The following SLITRK5 variants were observed in gnomAD, a reference collection of about 807,000 sequenced individuals.
SLITRK5 encodes SLIT and NTRK-like protein 5.
A neutral mutation model predicts 56.2 loss-of-function variants in SLITRK5; 23 were observed. The ratio of observed to expected loss-of-function variants is 0.41; its 90% confidence interval spans 0.29 to 0.58. The LOEUF is 0.58. Among genes scored for constraint, SLITRK5 ranks in the 20% least tolerant of loss-of-function variants. SLITRK5 has a pLI of 0.30. For missense variants in SLITRK5, 1,289 were observed against 1,226.6 expected, an observed-to-expected ratio of 1.05 and a Z score of -0.76; for synonymous variants, 637 against 531.8, an observed-to-expected ratio of 1.20 and a Z score of -2.72.
At chr13:87,675,168 T>C (rs899266947) in intron 1 of SLITRK5, among the ~76,000 whole-genome samples, 1 of 152,178 alleles carries the variant, frequency 6.6e-6, no homozygotes, top group Admixed American at 6.5e-5. Context: ...GGTGTGCTCA[T>C]TTAAAAAAAT....
chr13:87,676,591 C>A lies in SLITRK5; in HGVS notation c.1203C>A (p.Ile401=), dbSNP rs543074813. 1.2e-6 allele frequency: 2 copies of A among 1,613,966 alleles called. No homozygotes were observed. The highest frequency in any genetic ancestry group is 1.7e-6 in the Non-Finnish European group (2 of 1,180,036). ...VNCQERKIES[I]AELQPKPYNP... ...GCCAGGAGCGAAAGATCGAGAGCAT[C>A]GCTGAACTGCAGCCCAAGCCCTACA... Residue 401 remains isoleucine, a synonymous_variant, in exon 2 of 2, where the codon ATC becomes ATA. Coordinates refer to ENST00000683689, the MANE Select transcript of SLITRK5 (RefSeq NM_001384609.1).
chr13:87,677,529 A>C lies in SLITRK5; in HGVS notation c.2141A>C (p.Tyr714Ser). ...NSDVSSFNMQYSVYGGGGGTG... is the reference protein window; with the variant it reads ...NSDVSSFNMQSSVYGGGGGTG... ...GACGTGAGCTCCTTTAACATGCAGT[A>C]CAGCGTGTACGGCGGCGGCGGCGGC... Residue 714 changes from tyrosine (Y) to serine (S), a missense_variant, in exon 2 of 2, where the codon TAC becomes TCC. By Grantham distance (144) the Tyr-to-Ser change is moderately radical. Around this residue, in one of 3 missense-constraint regions of SLITRK5, gnomAD observed 985 missense variants for 906.0 expected, o/e 1.09. Coordinates refer to ENST00000683689, the MANE Select transcript of SLITRK5 (RefSeq NM_001384609.1). The surrounding 1 kb of genome is among the most constrained non-coding windows in gnomAD (Gnocchi z 4.7). The C allele has an allele frequency of 6.2e-7, 1 of 1,609,602 alleles. No homozygotes were observed. The highest frequency in any genetic ancestry group is 8.5e-7 in the Non-Finnish European group (1 of 1,177,518).
rs1434798381 is a variant in SLITRK5, at chr13:87,679,321, T to A, written c.*1056T>A. 6.0e-6 allele frequency: 1 copy of A among 167,088 alleles called. No individual in the cohort carries two copies. Among genetic ancestry groups the A allele is most frequent in the Non-Finnish European group, 1.5e-5 (1 of 68,122 alleles). The allele number at this position is 167,088 out of a possible 1,614,324, so 10.4% of individuals were successfully genotyped here. On this transcript the variant is annotated 3_prime_UTR_variant, in exon 2 of 2. Transcript: ENST00000683689. ...ATTAGAAAATATTTGAAAGTATTTT[T>A]ATTAATGAACCAAAATGACATGTTC...
Position 87,678,414 on chromosome 13 carries a change from A to G in SLITRK5, c.*149A>G. 1 of 730,142 alleles carries G rather than the reference A, an allele frequency of 1.4e-6. No individual in the cohort carries two copies. The allele number at this position is 730,142 out of a possible 1,614,324, so 45.2% of individuals were successfully genotyped here. A position where few individuals can be genotyped will look rare whatever the true frequency, so the allele number is the denominator to read the frequency against. On this transcript the variant is annotated 3_prime_UTR_variant, in exon 2 of 2. Coordinates refer to ENST00000683689, the MANE Select transcript of SLITRK5 (RefSeq NM_001384609.1). ...TTCTCAGCTTCGGTGGAAGATACGA[A>G]AAGGGTGTGCAATTTCCTTTAAAAT...
In SLITRK5 at chr13:87,676,725, C is replaced by T. The variant is rs780797680; in HGVS notation, c.1337C>T (p.Ser446Leu). Residue 446 changes from serine to leucine, a missense_variant, in exon 2 of 2, where the codon TCG becomes TTG. Transcript: ENST00000683689. ...CTGCACCTGGGGAATAACCGCATCT[C>T]GATGATCCAGGACCGCGCTTTCGGG... ...DLLHLGNNRI[S>L]MIQDRAFGDL... 2 of 1,614,062 alleles carry T rather than the reference C, an allele frequency of 1.2e-6. No individual in the cohort carries two copies. The highest frequency in any genetic ancestry group is 1.7e-6 in the Non-Finnish European group (2 of 1,180,026).
chr13:87,677,460 G>A lies in SLITRK5; in HGVS notation c.2072G>A (p.Arg691His), dbSNP rs775939791. The A allele has an allele frequency of 5.0e-6, 8 of 1,612,420 alleles. No homozygotes were observed. In the Admixed American group the frequency reaches 6.7e-5, roughly 13 times the overall value. ...GGGCTCTTCGTGCTGGTCATGAAGCGCAGGAAGAAGAACCAGAGCGACCAC... is the reference window on the plus strand; with the variant it reads ...GGGCTCTTCGTGCTGGTCATGAAGCACAGGAAGAAGAACCAGAGCGACCAC... ...AAGLFVLVMK[R>H]RKKNQSDHTS... is the part of the protein sequence containing the mutation. The change falls in exon 2 of 2, where the codon CGC becomes CAC. Residue 691 changes from arginine to histidine, a missense_variant. Around this residue, in one of 3 missense-constraint regions of SLITRK5, gnomAD observed 985 missense variants for 906.0 expected, o/e 1.09. Transcript: ENST00000683689. This position sits in a 1 kb window ranked among gnomAD's most constrained non-coding sequence, Gnocchi z 4.7.
Position 87,672,069 on chromosome 13 carries a change from G to A in SLITRK5, c.-149G>A, listed in dbSNP as rs546517978. On this transcript the variant is annotated 5_prime_UTR_variant, in exon 1 of 2. Coordinates refer to ENST00000683689, the MANE Select transcript of SLITRK5 (RefSeq NM_001384609.1). The stretch of plus-strand genomic sequence containing the variant: ...GACCAGGGGGGAATGTGGTGAAGAC[G>A]GCGAGGAGGAGAGCCGAGGGGGGAG... Among the ~76,000 whole-genome samples the A allele has an allele frequency of 2.6e-5, 4 of 152,126 alleles. No homozygotes were observed. Among genetic ancestry groups the A allele is most frequent in the East Asian group, 2.0e-4 (1 of 5,126 alleles).
chr13:87,672,944 CT>C, intron 1 of SLITRK5: 1 of 161,714 alleles, frequency 6.2e-6, no homozygotes, highest in Non-Finnish European at 1.3e-5. Flanking sequence ...CCTCTCCTCC[CT>C]CCCCTTCTTC....
chr13:87,675,884 A>T lies in SLITRK5; in HGVS notation c.496A>T (p.Ser166Cys), dbSNP rs778417946. Residue 166 changes from serine (S) to cysteine (C), a missense_variant, in exon 2 of 2, where the codon AGC (serine) becomes TGC (cysteine). Physicochemically the swap from Ser to Cys is moderately radical, Grantham distance 112. This residue lies in a region of SLITRK5 where 291 missense variants were observed against 286.7 expected (regional missense o/e 1.02). Transcript: ENST00000683689. ...EYLQVDYNYI[S>C]VIEPNAFGKL... ...CCTACAGGTCGATTACAACTACATC[A>T]GCGTCATTGAACCCAATGCTTTTGG... The T allele has an allele frequency of 6.2e-7, 1 of 1,614,162 alleles. No individual in the cohort carries two copies. Among genetic ancestry groups the T allele is most frequent in the Non-Finnish European group, 8.5e-7 (1 of 1,180,036 alleles).
chr13:87,672,385 G>T (rs1877070707), intron 1 of SLITRK5, among the ~76,000 whole-genome samples, 176 bp downstream of exon 1: 4 of 151,836 alleles, frequency 2.6e-5, no homozygotes, highest in Admixed American at 6.5e-5. Context: ...TCTTCTCCGC[G>T]TCCCCCTCCT....
In SLITRK5 at chr13:87,675,627, G is replaced by T; in HGVS notation, c.239G>T (p.Arg80Leu). Residue 80 changes from arginine to leucine, a missense_variant, in exon 2 of 2, where the codon CGT becomes CTT. This residue lies in a region of SLITRK5 where 291 missense variants were observed against 286.7 expected (regional missense o/e 1.02). Transcript: ENST00000683689. ...IISLSEISPP[R>L]FPIYHLLLSG... ...AGTCTCTCTGAAATTAGCCCTCCCC[G>T]TTTCCCAATCTACCACCTCTTGTTG... is the stretch of plus-strand genomic sequence containing the variant. The T allele has an allele frequency of 1.2e-6, 2 of 1,614,082 alleles. No homozygotes were observed. Among genetic ancestry groups the T allele is most frequent in the South Asian group, 1.1e-5 (1 of 91,082 alleles).
In SLITRK5 at chr13:87,675,458, C is replaced by G; in HGVS notation, c.70C>G (p.Gln24Glu). 6.2e-7 allele frequency: 1 copy of G among 1,614,172 alleles called. No homozygotes were observed. The highest frequency in any genetic ancestry group is 8.5e-7 in the Non-Finnish European group (1 of 1,180,020). The stretch of plus-strand genomic sequence containing the variant: ...CAGAAAAATGCATAGCTGGATGCTG[C>G]AGACTCTAGCGTTTGCTGTAACATC... ...LHRKMHSWMLQTLAFAVTSLV... is the reference protein window; with the variant it reads ...LHRKMHSWMLETLAFAVTSLV... Residue 24 changes from glutamine (Q) to glutamate (E), a missense_variant, in exon 2 of 2, where the codon CAG becomes GAG. Physicochemically the swap from Gln to Glu is conservative, Grantham distance 29. This residue lies in a region of SLITRK5 where 291 missense variants were observed against 286.7 expected (regional missense o/e 1.02). Coordinates refer to ENST00000683689, the MANE Select transcript of SLITRK5 (RefSeq NM_001384609.1).
chr13:87,675,655 C>T lies in SLITRK5; in HGVS notation c.267C>T (p.Ser89=), dbSNP rs866618278. 8 of 1,613,978 alleles carry T rather than the reference C, an allele frequency of 5.0e-6. No homozygotes were observed. The African/African-American group carries it at 5.3e-5, about 11-fold the overall frequency. ...PRFPIYHLLL[S]GNLLNRLYPN... ...TCCCAATCTACCACCTCTTGTTGTC[C>T]GGAAACCTTTTGAACCGTCTCTATC... Residue 89 remains serine (S), a synonymous_variant, in exon 2 of 2, where the codon TCC becomes TCT. Transcript: ENST00000683689.
intron 1 of SLITRK5, among the ~76,000 whole-genome samples, chr13:87,674,745 C>G (rs1021558467): frequency 2.6e-5 from 4 of 152,060 alleles, no homozygotes; most frequent in Non-Finnish European, 5.9e-5. Flanking sequence ...CTCAAAGCTC[C>G]GGGAGACAAT....
chr13:87,676,770 G>T lies in SLITRK5; in HGVS notation c.1382G>T (p.Arg461Leu). ...TTCGGGGATCTCACCAACCTGAGGC[G>T]CCTCTACCTGAATGGCAACAGGATC... ...RAFGDLTNLRRLYLNGNRIER... is the reference protein window; with the variant it reads ...RAFGDLTNLRLLYLNGNRIER... Residue 461 changes from arginine to leucine, a missense_variant, in exon 2 of 2, where the codon CGC (arginine) becomes CTC (leucine). Physicochemically the swap from Arg to Leu is moderately radical, Grantham distance 102. Coordinates refer to ENST00000683689, the MANE Select transcript of SLITRK5 (RefSeq NM_001384609.1). The T allele has an allele frequency of 6.2e-7, 1 of 1,614,060 alleles. No homozygotes were observed. The highest frequency in any genetic ancestry group is 8.5e-7 in the Non-Finnish European group (1 of 1,180,024).
chr13:87,673,553 A>T (rs1464690731), intron 1 of SLITRK5: 18 of 1,280,426 alleles, frequency 1.4e-5, no homozygotes, highest in Non-Finnish European at 1.7e-5. Context: ...GATTTGATCC[A>T]GCGGAGAACT....
rs760896125 is a variant in SLITRK5, at chr13:87,678,299, A to C, written c.*34A>C. On this transcript the variant is annotated 3_prime_UTR_variant, in exon 2 of 2. Transcript: ENST00000683689. Reference sequence around the variant, plus strand: ...AAACTCTCTTGGAGCTTTTGCATTTAAAACAAACAAGCAAGCAGACACACA... The same window carrying C: ...AAACTCTCTTGGAGCTTTTGCATTTCAAACAAACAAGCAAGCAGACACACA... 7 of 1,547,440 alleles carry C rather than the reference A, an allele frequency of 4.5e-6. No individual in the cohort carries two copies. In the East Asian group the frequency reaches 1.6e-4, roughly 35 times the overall value.
intron 1 of SLITRK5, among the ~76,000 whole-genome samples, chr13:87,673,025 T>C (rs1877111199): frequency 6.6e-6 from 1 of 151,178 alleles, no homozygotes; most frequent in Admixed American, 6.6e-5. Flanking sequence ...GAACTCCGGG[T>C]GCTTCTGCCT....
chr13:87,676,789 C>T lies in SLITRK5; in HGVS notation c.1401C>T (p.Asn467=), dbSNP rs752830518. The T allele has an allele frequency of 2.2e-5, 35 of 1,614,008 alleles. No homozygotes were observed. The highest frequency in any genetic ancestry group is 6.7e-5 in the Admixed American group (4 of 60,000). Residue 467 remains asparagine (N), a synonymous_variant, in exon 2 of 2, where the codon AAC becomes AAT. Coordinates refer to ENST00000683689, the MANE Select transcript of SLITRK5 (RefSeq NM_001384609.1). ...TNLRRLYLNG[N]RIERLSPELF... ...TGAGGCGCCTCTACCTGAATGGCAA[C>T]AGGATCGAGAGGCTGAGCCCGGAGT...
Sources: allele counts gnomAD v4.1 joint callset (sites outside exome capture counted in the v4.1 genomes callset), GRCh38; gene constraint gnomAD v4.1.1; regional missense constraint gnomAD v4.1.1; non-coding constraint Gnocchi (gnomAD v3.1); transcripts MANE v1.5; gene names NCBI Gene and HGNC (gene_info 2026-07-23, HGNC 2026-07-21).